TRDN: variants seen among roughly 807,000 people sequenced by gnomAD.
The protein encoded by TRDN is triadin in skeletal muscle.
A neutral mutation model predicts 149.7 loss-of-function variants in TRDN; 161 were observed. The observed-to-expected ratio is 1.08, with a 90% CI of 0.95 to 1.23. The LOEUF (loss-of-function observed/expected upper bound fraction) is 1.23. Among genes scored for constraint, TRDN ranks in the 50% most tolerant of loss-of-function variants. The pLI is 0.00. For missense variants in TRDN, 896 were observed against 823.5 expected, an observed-to-expected ratio of 1.09 and a Z score of -1.08; for synonymous variants, 294 against 250.5, an observed-to-expected ratio of 1.17 and a Z score of -1.64.
At chr6:123,636,724 C>T (rs1158649678) in intron 1 of TRDN, 30 bp downstream of exon 1, 1 of 1,610,270 alleles carries the variant, frequency 6.2e-7, no homozygotes, top group South Asian at 1.1e-5. Context: ...TTTTTCCTTA[C>T]TTGATACTAT....
chr6:123,269,946 ACTTATT>A (rs1334677956), intron 30 of TRDN, 80 bp from the exon 31 acceptor site: 93 of 1,398,744 alleles, frequency 6.6e-5, no homozygotes, highest in South Asian at 9.8e-5. Flanking sequence ...ATTTGTATTT[ACTTATT>A]CTTAGTTTTA....
chr6:123,352,646 A>G (rs1780512334), intron 20 of TRDN, 60 bp from the exon 21 acceptor site: 2 of 1,553,998 alleles, frequency 1.3e-6, no homozygotes, highest in Middle Eastern at 1.7e-4. Context: ...CTTCTGCTCA[A>G]AAAAAGCATT....
At chr6:123,219,999 A>G (rs1467170911) in intron 40 of TRDN, among the ~76,000 whole-genome samples, 2 of 151,900 alleles carry the variant, frequency 1.3e-5, no homozygotes, top group African/African-American at 2.4e-5. Context: ...TTAAAATATT[A>G]TTATGACTGC....
At chr6:123,583,674 C>G (rs1461758835) in intron 1 of TRDN, among the ~76,000 whole-genome samples, 4 of 151,936 alleles carry the variant, frequency 2.6e-5, no homozygotes, top group Non-Finnish European at 5.9e-5. Context: ...TTATGTCTGA[C>G]AGAAGGGAAA....
intron 10 of TRDN, chr6:123,456,689 T>C: frequency 7.7e-6 from 3 of 392,086 alleles, no homozygotes; most frequent in South Asian, 5.7e-5. Flanking sequence ...GGCTGGTCTC[T>C]AACTCCTGAG....
chr6:123,368,683 T>C (rs1023055140), intron 19 of TRDN, among the ~76,000 whole-genome samples: 1 of 152,210 alleles, frequency 6.6e-6, no homozygotes, highest in Non-Finnish European at 1.5e-5. Flanking sequence ...TTTCCAACTA[T>C]ATTTGTACCC....
chr6:123,278,697 T>A (rs754901244), intron 25 of TRDN, among the ~76,000 whole-genome samples: 17 of 152,130 alleles, frequency 1.1e-4, no homozygotes, highest in Non-Finnish European at 1.8e-4. Flanking sequence ...TTGAGGCTGG[T>A]AGGCAGAGGT....
chr6:123,290,236 A>G (rs1447929100), intron 24 of TRDN, among the ~76,000 whole-genome samples: 1 of 151,856 alleles, frequency 6.6e-6, no homozygotes, highest in Non-Finnish European at 1.5e-5. Context: ...GGCAAACAAA[A>G]TTTAGTCAGG....
chr6:123,593,982 A>C (rs1371553031), intron 1 of TRDN, among the ~76,000 whole-genome samples: 1 of 152,168 alleles, frequency 6.6e-6, no homozygotes, highest in African/African-American at 2.4e-5. Flanking sequence ...GATGTAGCTG[A>C]AAACTGAAAT....
chr6:123,327,569 C>A (rs1185953075), intron 23 of TRDN, among the ~76,000 whole-genome samples: 1 of 152,030 alleles, frequency 6.6e-6, no homozygotes, highest in Admixed American at 6.5e-5. Flanking sequence ...TACATTTATT[C>A]TTTGTAACAG....
At chr6:123,522,448 A>T (rs1779729143) in intron 5 of TRDN, among the ~76,000 whole-genome samples, 1 of 151,234 alleles carries the variant, frequency 6.6e-6, no homozygotes, top group South Asian at 2.1e-4. Flanking sequence ...GGGGGGGGAA[A>T]GCCAGAGGAA....
intron 21 of TRDN, chr6:123,351,145 A>G (rs1355433563): frequency 1.0e-6 from 1 of 984,750 alleles, no homozygotes; most frequent in Non-Finnish European, 1.2e-6. Context: ...GGGGAAAGCT[A>G]TAAAACTCAA....
chr6:123,473,883 C>T (rs1777322108), intron 9 of TRDN, among the ~76,000 whole-genome samples: 1 of 151,916 alleles, frequency 6.6e-6, no homozygotes, highest in Admixed American at 6.6e-5. Context: ...ACTTTACAGA[C>T]AAGCAGATGC....
intron 5 of TRDN, among the ~76,000 whole-genome samples, chr6:123,523,777 T>TA (rs1342870625): frequency 6.6e-6 from 1 of 152,110 alleles, no homozygotes; most frequent in Non-Finnish European, 1.5e-5. Context: ...TGGCAGGAAC[T>TA]AAAATTCAAA....
At chr6:123,382,679 C>T (rs1383417700) in intron 14 of TRDN, among the ~76,000 whole-genome samples, 2 of 151,928 alleles carry the variant, frequency 1.3e-5, no homozygotes, top group Non-Finnish European at 2.9e-5. Context: ...TTACTGTTGA[C>T]TCATGGGTTA....
intron 35 of TRDN, among the ~76,000 whole-genome samples, chr6:123,256,610 C>T (rs1003508592): frequency 6.6e-6 from 1 of 150,822 alleles, no homozygotes; most frequent in African/African-American, 2.4e-5. Context: ...ATATGTTTGC[C>T]TTCTTTTGAG....
intron 13 of TRDN, among the ~76,000 whole-genome samples, chr6:123,389,963 T>A (rs548744847): frequency 8.5e-5 from 13 of 152,326 alleles, no homozygotes; most frequent in African/African-American, 3.1e-4. Context: ...ACAGACTTTG[T>A]TGTTGATTCT....
intron 1 of TRDN, among the ~76,000 whole-genome samples, chr6:123,615,263 A>G (rs531339022): frequency 6.6e-6 from 1 of 152,304 alleles, no homozygotes; most frequent in South Asian, 2.1e-4. Flanking sequence ...AACTGAAAAT[A>G]TAACTACCAT....
chr6:123,633,911 C>T (rs562312955), intron 1 of TRDN, among the ~76,000 whole-genome samples: 86 of 152,130 alleles, frequency 5.7e-4, no homozygotes, highest in Non-Finnish European at 1.2e-3. Context: ...CTCCTAATTT[C>T]CCATGACCAT....
Sources: allele counts gnomAD v4.1 joint callset (sites outside exome capture counted in the v4.1 genomes callset), GRCh38; gene constraint gnomAD v4.1.1; transcripts MANE v1.5; gene names NCBI Gene and HGNC (gene_info 2026-07-23, HGNC 2026-07-21).